CAST: variants seen among roughly 807,000 people sequenced by gnomAD.
CAST encodes the protein MIR583 host.
CAST carries 76 observed loss-of-function variants against 119.6 expected under a neutral mutation model. That is an observed-to-expected ratio of 0.64 (90% CI 0.53 to 0.77). The LOEUF (loss-of-function observed/expected upper bound fraction) is 0.77, where lower values mean the gene tolerates loss of function less well. CAST is among the 30% of genes least tolerant of loss of function. The probability of loss-of-function intolerance (pLI) is 0.00; values close to 1 mark genes in which losing one functional copy is unlikely to be tolerated. For missense variants in CAST, 953 were observed against 946.5 expected (o/e 1.01, Z -0.09); for synonymous variants, 319 against 331.6 (o/e 0.96, Z 0.41).
chr5:96,068,593 ATGTGTGTGTG>A, the CAST span, among the ~76,000 whole-genome samples: 12 of 142,268 alleles, frequency 8.4e-5, no homozygotes, highest in South Asian at 2.3e-4. Context: ...CAATAGGATT[ATGTGTGTGTG>A]TGTGTGTGTG....
chr5:96,732,361 T>C (rs1760732035), intron 9 of CAST, among the ~76,000 whole-genome samples: 1 of 122,154 alleles, frequency 8.2e-6, no homozygotes, highest in African/African-American at 3.2e-5. Context: ...TTTGTTTTTT[T>C]CTTGTAAATT....
At chr5:96,602,453 A>G (rs768367451) in intron 1 of CAST, among the ~76,000 whole-genome samples, 1 of 152,184 alleles carries the variant, frequency 6.6e-6, no homozygotes, top group Non-Finnish European at 1.5e-5. Context: ...TTATAAAGGA[A>G]CTAAACAGGG....
At chr5:96,585,276 G>A (rs183841060) in intron 1 of CAST, among the ~76,000 whole-genome samples, 4 of 152,032 alleles carry the variant, frequency 2.6e-5, no homozygotes, top group East Asian at 3.9e-4. Flanking sequence ...GACTAAACCC[G>A]TATCATGTCT....
chr5:96,401,074 G>A, the CAST span, among the ~76,000 whole-genome samples: 6 of 125,672 alleles, frequency 4.8e-5, no homozygotes, highest in East Asian at 2.3e-4. Flanking sequence ...GCTAAAGAGC[G>A]GGACTCCGTC....
chr5:96,728,894 T>G, intron 6 of CAST: 1 of 408,380 alleles, frequency 2.4e-6, no homozygotes, highest in Non-Finnish European at 4.5e-6. Flanking sequence ...TACGTGTATT[T>G]GAAAATATTA....
chr5:96,568,346 C>T (rs1360483450), intron 1 of CAST, among the ~76,000 whole-genome samples: 1 of 152,068 alleles, frequency 6.6e-6, no homozygotes, highest in Admixed American at 6.5e-5. Flanking sequence ...AGGCAGATCA[C>T]TTGAGGTCAG....
chr5:96,427,654 G>A, the CAST span, among the ~76,000 whole-genome samples: 1 of 152,220 alleles, frequency 6.6e-6, no homozygotes, highest in Admixed American at 6.5e-5. Context: ...CATCTTCATT[G>A]TCATGAGATA....
the CAST span, among the ~76,000 whole-genome samples, chr5:96,465,016 A>G: frequency 1.3e-5 from 2 of 152,068 alleles, no homozygotes; most frequent in Non-Finnish European, 2.9e-5. Context: ...TTACTTCTTT[A>G]TAGTATTGAG....
At chr5:96,726,635 T>A in intron 4 of CAST, 159 bp from the exon 5 acceptor site, 1 of 513,842 alleles carries the variant, frequency 1.9e-6, no homozygotes, top group Non-Finnish European at 3.4e-6. Flanking sequence ...GACCTTAGAA[T>A]GTAAGTGCCT....
chr5:96,017,895 A>G, the CAST span, among the ~76,000 whole-genome samples: 1 of 152,204 alleles, frequency 6.6e-6, no homozygotes, highest in Non-Finnish European at 1.5e-5. Context: ...ATTAAAATTT[A>G]TATAGGGTAT....
chr5:96,548,276 A>G (rs1315079449), intron 1 of CAST, among the ~76,000 whole-genome samples: 3 of 152,234 alleles, frequency 2.0e-5, no homozygotes, highest in African/African-American at 7.2e-5. Context: ...TTTGGGGTTT[A>G]TGAATTGACT....
chr5:96,636,640 A>G (rs575766004), intron 1 of CAST, among the ~76,000 whole-genome samples: 1 of 152,362 alleles, frequency 6.6e-6, no homozygotes, highest in Admixed American at 6.5e-5. Flanking sequence ...ATAAAAAGAA[A>G]ACAAAAAAGT....
chr5:96,205,799 G>C, the CAST span, among the ~76,000 whole-genome samples: 1 of 152,004 alleles, frequency 6.6e-6, no homozygotes, highest in Admixed American at 6.6e-5. Context: ...TGTCTTTATA[G>C]TAGAATGATT....
chr5:96,392,970 A>C, the CAST span: 1 of 1,612,088 alleles, frequency 6.2e-7, no homozygotes, highest in Non-Finnish European at 8.5e-7. Flanking sequence ...AAGAAGCATG[A>C]ATATTTCCAA....
the CAST span, among the ~76,000 whole-genome samples, chr5:96,123,744 C>G: frequency 6.6e-6 from 1 of 152,154 alleles, no homozygotes; most frequent in Admixed American, 6.6e-5. Flanking sequence ...CTCAATTATA[C>G]TAATGCACCT....
chr5:95,978,481 CT>C, the CAST span, among the ~76,000 whole-genome samples: 1 of 151,932 alleles, frequency 6.6e-6, no homozygotes. Flanking sequence ...CCTTTGCTCA[CT>C]TTTTTATGTG....
chr5:96,366,884 T>C, the CAST span, among the ~76,000 whole-genome samples: 1 of 152,226 alleles, frequency 6.6e-6, no homozygotes. Flanking sequence ...GCTGCATTCC[T>C]TTGGAGGGGG....
At chr5:95,992,736 C>T in the CAST span, among the ~76,000 whole-genome samples, 1 of 152,024 alleles carries the variant, frequency 6.6e-6, no homozygotes, top group African/African-American at 2.4e-5. Flanking sequence ...AGATGTACCA[C>T]AGTAATGTAA....
At chr5:96,624,543 G>A (rs1747684317) in intron 1 of CAST, among the ~76,000 whole-genome samples, 1 of 152,160 alleles carries the variant, frequency 6.6e-6, no homozygotes, top group Admixed American at 6.5e-5. Context: ...TAAAATAAAT[G>A]AGTACTGCTA....
Sources: allele counts gnomAD v4.1 joint callset (sites outside exome capture counted in the v4.1 genomes callset), GRCh38; gene constraint gnomAD v4.1.1; transcripts MANE v1.5; gene names NCBI Gene and HGNC (gene_info 2026-07-23, HGNC 2026-07-21).